The following DPF3 variants were observed in gnomAD, a reference collection of about 807,000 sequenced individuals.
DPF3 encodes double PHD fingers 3, also known as zinc finger protein DPF3.
Under a neutral mutation model 56.8 loss-of-function variants are expected in DPF3, and 18 were observed. That is an observed-to-expected ratio of 0.32 (90% confidence interval 0.22 to 0.47). The LOEUF (loss-of-function observed/expected upper bound fraction) is 0.47, where lower values mean the gene tolerates loss of function less well. Ranked by LOEUF, DPF3 falls within the 20% of genes least tolerant of loss-of-function variation. The probability of loss-of-function intolerance (pLI) is 1.00; values close to 1 mark genes in which losing one functional copy is unlikely to be tolerated. For missense variants in DPF3, 403 were observed against 488.8 expected, an observed-to-expected ratio of 0.82 and a Z score of 1.65; for synonymous variants, 188 against 180.2, an observed-to-expected ratio of 1.04 and a Z score of -0.35.
At chr14:72,674,144 T>C in intron 8 of DPF3, 96 bp downstream of exon 8, 1 of 1,445,440 alleles carries the variant, frequency 6.9e-7, no homozygotes, top group South Asian at 1.5e-5. Context: ...CACCATCGCT[T>C]CCCTCTCCAG....
At chr14:72,661,979 A>G (rs1886235837) in intron 8 of DPF3, 1 of 984,580 alleles carries the variant, frequency 1.0e-6, no homozygotes, top group Admixed American at 6.2e-5. Flanking sequence ...ACCTCATCAG[A>G]CATGATAACT....
At chr14:72,675,653 C>T (rs1886877958) in intron 7 of DPF3, 1 of 152,228 alleles carries the variant, frequency 6.6e-6, no homozygotes, top group African/African-American at 2.4e-5. Flanking sequence ...GAATAGAAAA[C>T]CTACCTGGGG....
At chr14:72,863,058 T>TTATATATATATATATATATATA (rs58405648) in intron 1 of DPF3, among the ~76,000 whole-genome samples, 3 of 139,928 alleles carry the variant, frequency 2.1e-5, no homozygotes, top group South Asian at 2.4e-4. Flanking sequence ...ATTATTCCAT[T>TTATATATATATATATATATATA]TATATATATA....
At chr14:72,737,207 AAAC>A (rs1889927159) in intron 3 of DPF3, among the ~76,000 whole-genome samples, 7 of 130,914 alleles carry the variant, frequency 5.3e-5, no homozygotes, top group Middle Eastern at 4.0e-3. Context: ...ACAAACAAAC[AAAC>A]AAAAAAAACC....
At chr14:72,792,785 C>T (rs1033305905) in intron 1 of DPF3, among the ~76,000 whole-genome samples, 1 of 152,130 alleles carries the variant, frequency 6.6e-6, no homozygotes, top group African/African-American at 2.4e-5. Context: ...TGGCCCAAAT[C>T]TCCAGAGCTG....
chr14:72,692,847 A>T (rs925525665), intron 7 of DPF3, among the ~76,000 whole-genome samples: 1 of 152,050 alleles, frequency 6.6e-6, no homozygotes, highest in Non-Finnish European at 1.5e-5. Context: ...TTCCTCTGGG[A>T]GCAGAGCAGG....
At chr14:72,885,451 T>C (rs1267067036) in intron 1 of DPF3, among the ~76,000 whole-genome samples, 1 of 152,036 alleles carries the variant, frequency 6.6e-6, no homozygotes, top group East Asian at 1.9e-4. Flanking sequence ...CTGGAGTACA[T>C]GGAGTACAGT....
rs74062315 is a variant in DPF3 at position 72,623,837 on chromosome 14, T to C, written c.985-3853A>G. ...CCCATATTATGTTCTCTAAAGACCATTGCCCACTAAAAGGAATTAGGAGTC... is the reference window on the plus strand; with the variant it reads ...CCCATATTATGTTCTCTAAAGACCACTGCCCACTAAAAGGAATTAGGAGTC... On this transcript the variant is annotated intron_variant, in intron 9 of 10. Coordinates refer to ENST00000556509, the MANE Select transcript of DPF3 (RefSeq NM_001280542.3). Among the ~76,000 whole-genome samples the C allele has an allele frequency of 4.6e-3, 704 of 152,320 alleles. 7 individuals are homozygous for C. The highest frequency in any genetic ancestry group is 0.016 in the African/African-American group (675 of 41,572).
chr14:72,609,928 G>T lies in DPF3; in HGVS notation c.*9369C>A, dbSNP rs1040292997. 6.6e-6 allele frequency among the ~76,000 whole-genome samples: 1 copy of T among 152,192 alleles called. No individual in the cohort carries two copies. Among genetic ancestry groups the T allele is most frequent in the South Asian group, 2.1e-4 (1 of 4,822 alleles). ...AAACCTCATCTGCAAGAGGCAATGC[G>T]GCGTTGGGTCCCAAGGATCAGTGGG... On this transcript the variant is annotated 3_prime_UTR_variant, in exon 11 of 11. Transcript: ENST00000556509.
intron 1 of DPF3, among the ~76,000 whole-genome samples, chr14:72,780,553 C>T (rs963521559): frequency 1.3e-5 from 2 of 152,178 alleles, no homozygotes; most frequent in African/African-American, 4.8e-5. Flanking sequence ...AACGTTCTAA[C>T]TTTCTCCATG....
intron 8 of DPF3, among the ~76,000 whole-genome samples, chr14:72,668,154 T>C (rs142659513): frequency 6.6e-6 from 1 of 152,264 alleles, no homozygotes; most frequent in African/African-American, 2.4e-5. Context: ...ACCACTAAAG[T>C]GGTTGGAAAC....
chr14:72,689,982 T>C (rs1026916685), intron 7 of DPF3, among the ~76,000 whole-genome samples: 1 of 152,106 alleles, frequency 6.6e-6, no homozygotes, highest in Admixed American at 6.5e-5. Context: ...CGGATCCGCC[T>C]GGGAATACCT....
chr14:72,826,336 A>C (rs141343709), intron 1 of DPF3, among the ~76,000 whole-genome samples: 163 of 152,270 alleles, frequency 1.1e-3, no homozygotes, highest in African/African-American at 3.6e-3. Flanking sequence ...AAGTTTAACC[A>C]ATTAATCCTC....
At chr14:72,785,506 C>G (rs1049787718) in intron 1 of DPF3, among the ~76,000 whole-genome samples, 1 of 152,148 alleles carries the variant, frequency 6.6e-6, no homozygotes, top group African/African-American at 2.4e-5. Flanking sequence ...GCCATTACCC[C>G]CTCACAATGA....
chr14:72,634,104 A>C (rs1885310988), intron 8 of DPF3, among the ~76,000 whole-genome samples: 1 of 152,216 alleles, frequency 6.6e-6, no homozygotes. Context: ...GATGGGCCTT[A>C]GCAGTGGCTG....
Position 72,674,281 on chromosome 14 carries a change from C to A in DPF3, c.830G>T (p.Arg277Leu). Residue 277 changes from arginine (R) to leucine (L), a missense_variant, in exon 8 of 11, where the codon CGG becomes CTG. Arg to Leu is a moderately radical substitution (Grantham distance 102). This residue lies in a region of DPF3 where 340 missense variants were observed against 374.3 expected (regional missense o/e 0.91). Coordinates refer to ENST00000556509, the MANE Select transcript of DPF3 (RefSeq NM_001280542.3). ...GGSNMNKKSG[R>L]PEELVSCADC... is the part of the protein sequence containing the mutation. ...TGCGCAGGACACCAGCTCTTCAGGCCGCCCACTCTTCTTGTTCATGTTGGA... is the reference window on the plus strand; with the variant it reads ...TGCGCAGGACACCAGCTCTTCAGGCAGCCCACTCTTCTTGTTCATGTTGGA... 6.2e-7 allele frequency: 1 copy of A among 1,612,440 alleles called. No homozygotes were observed. The highest frequency in any genetic ancestry group is 8.5e-7 in the Non-Finnish European group (1 of 1,179,398).
At chr14:72,733,115 G>A (rs1184141178) in intron 3 of DPF3, among the ~76,000 whole-genome samples, 41 of 151,918 alleles carry the variant, frequency 2.7e-4, no homozygotes, top group Admixed American at 2.7e-3. Flanking sequence ...AATTAAAGAT[G>A]CAAACCTAAG....
At chr14:72,827,568 CA>C (rs1883867915) in intron 1 of DPF3, among the ~76,000 whole-genome samples, 1 of 143,488 alleles carries the variant, frequency 7.0e-6, no homozygotes. Flanking sequence ...CTCCGCCTCC[CA>C]AGTTCAAGCG....
At chr14:72,620,043 C>T in intron 9 of DPF3, 59 bp from the exon 10 acceptor site, 1 of 1,447,490 alleles carries the variant, frequency 6.9e-7, no homozygotes, top group Non-Finnish European at 9.2e-7. Context: ...GGGCCAATGT[C>T]TGGCCCCCGC....
Sources: gnomAD v4.1 joint callset for allele counts (sites outside exome capture counted in the v4.1 genomes callset) on GRCh38, gnomAD v4.1.1 for gene constraint, gnomAD v4.1.1 regional missense constraint, MANE v1.5 for transcripts, NCBI Gene and HGNC (gene_info 2026-07-23, HGNC 2026-07-21) for gene names.